The following GGPS1 variants were observed in gnomAD, a reference collection of about 807,000 sequenced individuals.
The protein encoded by GGPS1 is geranylgeranyl diphosphate synthase 1.
Under a neutral mutation model 28.1 loss-of-function variants are expected in GGPS1, and 15 were observed. The ratio of observed to expected loss-of-function variants is 0.53; its 90% CI spans 0.36 to 0.82. GGPS1 has a LOEUF of 0.82. GGPS1 is among the 40% of genes least tolerant of loss of function. The pLI, the probability that GGPS1 is intolerant of heterozygous loss-of-function variation, is 0.01. For synonymous variants in GGPS1, 138 were observed against 122.4 expected (o/e 1.13, Z -0.84); for missense variants, 284 against 348.3 (o/e 0.82, Z 1.47).
intron 1 of GGPS1, among the ~76,000 whole-genome samples, chr1:235,332,958 C>T (rs1378526898): frequency 2.0e-5 from 3 of 150,192 alleles, no homozygotes; most frequent in Non-Finnish European, 4.4e-5. Context: ...GTCCCAGCTA[C>T]TCAGAAGGCT....
chr1:235,335,141 A>G (rs1014159238), intron 1 of GGPS1, 101 bp from the exon 2 acceptor site: 3 of 603,116 alleles, frequency 5.0e-6, no homozygotes, highest in Non-Finnish European at 8.8e-6. Flanking sequence ...AAACCAGACT[A>G]GGTGTCTTTT....
rs757078597 is a variant in GGPS1 at position 235,335,343 on chromosome 1, TC to T, written c.70+10del. The T allele has an allele frequency of 1.6e-6, 2 of 1,289,622 alleles. No individual in the cohort carries two copies. The highest frequency in any genetic ancestry group is 1.2e-5 in the South Asian group (1 of 83,080). The allele number at this position is 1,289,622 out of a possible 1,614,324, so 79.9% of individuals were successfully genotyped here. A position where few individuals can be genotyped will look rare whatever the true frequency, so the allele number is the denominator to read the frequency against. ...CTTACTTCAGTTACCAGGTAATACTTCACTTACAGTCCATATAGGGTCATTT... is the reference window on the plus strand; with the variant it reads ...CTTACTTCAGTTACCAGGTAATACTTACTTACAGTCCATATAGGGTCATTT... On this transcript the variant is annotated intron_variant, in intron 2 of 3. Transcript: ENST00000282841.
rs1676131352 is a variant in GGPS1, at chr1:235,343,901, CTT to C, written c.*1132_*1133del. The C allele has an allele frequency of 6.0e-6, 1 of 166,822 alleles. No homozygotes were observed. Among genetic ancestry groups the C allele is most frequent in the Non-Finnish European group, 1.5e-5 (1 of 68,078 alleles). The allele number at this position is 166,822 out of a possible 1,614,324, so 10.3% of individuals were successfully genotyped here. ...AAGTACAAAAGCATGGAAAAATGCG[CTT>C]TTCCTTCCCGCCCACATCACCACCC... On this transcript the variant is annotated 3_prime_UTR_variant, in exon 4 of 4. Coordinates refer to ENST00000282841, the MANE Select transcript of GGPS1 (RefSeq NM_004837.4).
At chr1:235,341,682 T>A (rs765639760) in intron 2 of GGPS1, 26 bp from the exon 3 acceptor site, 8 of 1,249,118 alleles carry the variant, frequency 6.4e-6, no homozygotes, top group Non-Finnish European at 9.4e-6. Context: ...CTTATCACAT[T>A]GTCACATTTT....
At chr1:235,327,590 G>C (rs1675414019), upstream of GGPS1, 1 of 152,214 alleles carries the variant, frequency 6.6e-6, no homozygotes, top group Non-Finnish European at 1.5e-5. Context: ...CGGCCGCCCA[G>C]CCAGGGGGCG....
intron 3 of GGPS1, 34 bp downstream of exon 3, chr1:235,341,812 G>T: frequency 1.7e-6 from 2 of 1,189,940 alleles, no homozygotes; most frequent in South Asian, 1.3e-5. Flanking sequence ...TAATCCCCAA[G>T]AAATTAATAG....
chr1:235,330,757 G>A (rs1363909523), intron 1 of GGPS1, among the ~76,000 whole-genome samples: 3 of 152,282 alleles, frequency 2.0e-5, no homozygotes, highest in Middle Eastern at 3.4e-3. Flanking sequence ...CCTGTTACAG[G>A]TCCTGACACA....
At chr1:235,339,931 T>C (rs974566681) in intron 2 of GGPS1, among the ~76,000 whole-genome samples, 1 of 152,124 alleles carries the variant, frequency 6.6e-6, no homozygotes, top group Non-Finnish European at 1.5e-5. Context: ...TTCCTTTGTA[T>C]GTGACTACAA....
At chr1:235,339,784 A>G (rs1675976421) in intron 2 of GGPS1, among the ~76,000 whole-genome samples, 1 of 151,766 alleles carries the variant, frequency 6.6e-6, no homozygotes, top group Admixed American at 6.6e-5. Context: ...AGAAAACAGT[A>G]TTTTAGTTTT....
At chr1:235,328,091 T>G (rs1485510611), upstream of GGPS1, 2 of 153,306 alleles carry the variant, frequency 1.3e-5, no homozygotes, top group Non-Finnish European at 1.5e-5. Context: ...GTCCAGGCGG[T>G]GGCCGTGGCG....
chr1:235,336,065 C>T (rs1366890770), intron 2 of GGPS1, among the ~76,000 whole-genome samples: 1 of 152,176 alleles, frequency 6.6e-6, no homozygotes, highest in Non-Finnish European at 1.5e-5. Flanking sequence ...CTCACGTGTA[C>T]GTGTGTGTTT....
intron 2 of GGPS1, among the ~76,000 whole-genome samples, chr1:235,337,367 T>G (rs1237521348): frequency 6.6e-6 from 1 of 152,220 alleles, no homozygotes; most frequent in Non-Finnish European, 1.5e-5. Flanking sequence ...GGAAATAATG[T>G]TTTAAGACAT....
Position 235,332,549 on chromosome 1 carries a change from T to C in GGPS1, c.-23-2693T>C, listed in dbSNP as rs550874789. Among the ~76,000 whole-genome samples the C allele has an allele frequency of 1.1e-4, 16 of 152,312 alleles. 1 individual carries two copies. Among genetic ancestry groups the C allele is most frequent in the Non-Finnish European group, 2.2e-4 (15 of 68,028 alleles). On this transcript the variant is annotated intron_variant, in intron 1 of 3. Coordinates refer to ENST00000282841, the MANE Select transcript of GGPS1 (RefSeq NM_004837.4). ...ACACATAGTGCAAGATTTTGGAAAT[T>C]TTACTTTTGTGGCACGTTGTTGGTA...
Position 235,342,009 on chromosome 1 carries a change from A to G in GGPS1, c.142-2A>G. ...AAGTGAAATTTTCAATTTTTTTATT[A>G]GATTATTATTGAAGTGACAGAAATG... On this transcript the variant is annotated splice_acceptor_variant, in intron 3 of 3. Transcript: ENST00000282841. LOFTEE classifies it high-confidence loss of function. The G allele has an allele frequency of 6.6e-7, 1 of 1,516,912 alleles. No homozygotes were observed. The highest frequency in any genetic ancestry group is 8.9e-7 in the Non-Finnish European group (1 of 1,117,604). 94.0% of individuals were successfully genotyped at this position (1,516,912 alleles called of 1,614,324 possible).
chr1:235,333,333 G>C (rs912515559), intron 1 of GGPS1, among the ~76,000 whole-genome samples: 14 of 152,006 alleles, frequency 9.2e-5, no homozygotes, highest in Admixed American at 6.6e-5. Context: ...TTGGGAGGCT[G>C]AGGCGGGTGG....
chr1:235,339,859 A>G (rs1675979143), intron 2 of GGPS1, among the ~76,000 whole-genome samples: 1 of 152,166 alleles, frequency 6.6e-6, no homozygotes, highest in African/African-American at 2.4e-5. Flanking sequence ...CCATGCATTC[A>G]TTTAGCAGAA....
rs767426473 is a variant in GGPS1, at chr1:235,335,284, C to G, written c.20C>G (p.Thr7Arg). The G allele has an allele frequency of 1.3e-6, 2 of 1,549,992 alleles. No homozygotes were observed. Among genetic ancestry groups the G allele is most frequent in the South Asian group, 2.3e-5 (2 of 88,852 alleles). Residue 7 changes from threonine to arginine, a missense_variant, in exon 2 of 4, where the codon ACA becomes AGA. Thr to Arg is a moderately conservative substitution (Grantham distance 71). Transcript: ENST00000282841. ...AATCCAATGGAGAAGACTCAAGAAA[C>G]AGTCCAAAGAATTCTTCTAGAACCC... MEKTQE[T>R]VQRILLEPYK...
intron 1 of GGPS1, among the ~76,000 whole-genome samples, chr1:235,331,659 GCTTTCATCATATTCTCAA>G (rs1675721361): frequency 1.4e-5 from 2 of 147,146 alleles, no homozygotes; most frequent in Admixed American, 1.4e-4. Context: ...AAGATTCATA[GCTTTCATCATATTCTCAA>G]AAGGTTTCTG....
chr1:235,342,696 A>G lies in GGPS1; in HGVS notation c.827A>G (p.Asp276Gly), dbSNP rs755843829. The change falls in exon 4 of 4, where the codon GAT becomes GGT. Residue 276 changes from aspartate (D) to glycine (G), a missense_variant. Coordinates refer to ENST00000282841, the MANE Select transcript of GGPS1 (RefSeq NM_004837.4). ...GAAGCTAAAGCCTATAAACAGATTGATGCACGTGGTGGGAACCCTGAGCTA... is the reference window on the plus strand; with the variant it reads ...GAAGCTAAAGCCTATAAACAGATTGGTGCACGTGGTGGGAACCCTGAGCTA... ...ELEAKAYKQI[D>G]ARGGNPELVA... 1 of 1,609,166 alleles carries G rather than the reference A, an allele frequency of 6.2e-7. No homozygotes were observed. The highest frequency in any genetic ancestry group is 8.5e-7 in the Non-Finnish European group (1 of 1,176,210).
Sources: gnomAD v4.1 joint callset for allele counts (sites outside exome capture counted in the v4.1 genomes callset) on GRCh38, gnomAD v4.1.1 for gene constraint, MANE v1.5 for transcripts, NCBI Gene and HGNC (gene_info 2026-07-23, HGNC 2026-07-21) for gene names.